PAX5: variants seen among roughly 807,000 people sequenced by gnomAD.
PAX5 encodes the protein paired box 5.
PAX5 carries 9 observed loss-of-function variants against 43.7 expected under a neutral mutation model. The observed-to-expected ratio is 0.21, with a 90% CI of 0.12 to 0.36. The LOEUF (loss-of-function observed/expected upper bound fraction) is 0.36. Among genes scored for constraint, PAX5 ranks in the 10% least tolerant of loss-of-function variants. PAX5 has a pLI of 1.00. For missense variants in PAX5, 383 were observed against 532.7 expected (o/e 0.72, Z 2.77); for synonymous variants, 228 against 214.3 (o/e 1.06, Z -0.56).
Position 37,010,368 on chromosome 9 carries a change from C to T in PAX5, c.411-3831G>A, listed in dbSNP as rs535112352. On this transcript the variant is annotated intron_variant, in intron 3 of 9. Coordinates refer to ENST00000358127, the MANE Select transcript of PAX5 (RefSeq NM_016734.3). ...AACCCAAGATGCTCAAATGACTTGC[C>T]CAGAATTGCACAGCGAGTCAGCCCA... Among the ~76,000 whole-genome samples, 3 of 152,274 alleles carry T rather than the reference C, an allele frequency of 2.0e-5. No homozygotes were observed. In the South Asian group the frequency reaches 6.2e-4, roughly 32 times the overall value.
rs138146493 is a variant in PAX5, at chr9:36,876,841, C to A, written c.1012+5163G>T. 3.1e-3 allele frequency among the ~76,000 whole-genome samples: 478 copies of A among 152,276 alleles called. 7 individuals carry two copies. The highest frequency in any genetic ancestry group is 0.011 in the African/African-American group (448 of 41,548). On this transcript the variant is annotated intron_variant, in intron 8 of 9. Transcript: ENST00000358127. ...TGCAGACATGGGGATGCCCTGGAGC[C>A]GGAAGGAGCAGACAACTCTGATGAT...
intron 3 of PAX5, 22 bp downstream of exon 3, chr9:37,014,975 C>T (rs1352994243): frequency 6.2e-7 from 1 of 1,606,566 alleles, no homozygotes; most frequent in South Asian, 1.1e-5. Flanking sequence ...ATCCCCAACC[C>T]CCACAGGCAC....
chr9:36,970,906 G>A (rs1834880518), intron 5 of PAX5, among the ~76,000 whole-genome samples: 1 of 152,158 alleles, frequency 6.6e-6, no homozygotes, highest in East Asian at 1.9e-4. Context: ...TACCTTCGGG[G>A]TAAAGGTGGG....
chr9:36,866,298 G>C (rs546764565), intron 8 of PAX5, among the ~76,000 whole-genome samples: 1 of 152,324 alleles, frequency 6.6e-6, no homozygotes, highest in Non-Finnish European at 1.5e-5. Flanking sequence ...AGCTTCCAGA[G>C]GGAAACTGAA....
chr9:37,027,056 A>C (rs2132541558), intron 1 of PAX5, among the ~76,000 whole-genome samples: 1 of 152,242 alleles, frequency 6.6e-6, no homozygotes, highest in African/African-American at 2.4e-5. Flanking sequence ...GATGCTTCTG[A>C]GGTCCCTCCT....
intron 7 of PAX5, among the ~76,000 whole-genome samples, chr9:36,895,300 A>T (rs988695627): frequency 2.6e-5 from 4 of 152,262 alleles, no homozygotes; most frequent in Admixed American, 6.5e-5. Context: ...AATGGTGGCC[A>T]GCACTGGGAT....
chr9:36,970,773 AG>A (rs1376118771), intron 5 of PAX5, among the ~76,000 whole-genome samples: 1 of 152,174 alleles, frequency 6.6e-6, no homozygotes, highest in African/African-American at 2.4e-5. Context: ...CTCCTCCTCC[AG>A]GATGCCTTCC....
intron 6 of PAX5, among the ~76,000 whole-genome samples, chr9:36,938,872 TC>T (rs1831790747): frequency 6.6e-6 from 1 of 152,176 alleles, no homozygotes. Flanking sequence ...AAGGCTGTTC[TC>T]CCTTCAATTT....
chr9:36,935,394 C>CA (rs36005725), intron 6 of PAX5, among the ~76,000 whole-genome samples: 13 of 151,280 alleles, frequency 8.6e-5, no homozygotes, highest in African/African-American at 2.2e-4. Context: ...AGCAAACAAA[C>CA]AAAAAAAAAA....
In PAX5 at chr9:37,020,549, A is replaced by G. The variant is rs980865942; in HGVS notation, c.212+87T>C. 11 of 1,340,126 alleles carry G rather than the reference A, an allele frequency of 8.2e-6. No homozygotes were observed. The Admixed American group carries it at 1.7e-4, about 21-fold the overall frequency. The allele number at this position is 1,340,126 out of a possible 1,614,324, so 83.0% of individuals were successfully genotyped here. ...ACAAAATGCCACCATGATTCTCACT[A>G]TGATACTGTCATATTGGACAGCTGC... On this transcript the variant is annotated intron_variant, in intron 2 of 9. Transcript: ENST00000358127.
intron 8 of PAX5, among the ~76,000 whole-genome samples, chr9:36,866,619 T>G (rs1329378832): frequency 6.6e-6 from 1 of 152,112 alleles, no homozygotes; most frequent in African/African-American, 2.4e-5. Context: ...TTTATACCAG[T>G]TCTGCACAAG....
chr9:36,960,574 G>T (rs993985173), intron 6 of PAX5, among the ~76,000 whole-genome samples: 2 of 152,302 alleles, frequency 1.3e-5, no homozygotes, highest in Middle Eastern at 3.4e-3. Flanking sequence ...AGATCCAACG[G>T]TAGTCGCAGG....
At chr9:36,916,964 C>A (rs984284133) in intron 7 of PAX5, among the ~76,000 whole-genome samples, 1 of 151,988 alleles carries the variant, frequency 6.6e-6, no homozygotes, top group African/African-American at 2.4e-5. Context: ...GGATTACAGG[C>A]GCGAGCCACT....
intron 7 of PAX5, among the ~76,000 whole-genome samples, chr9:36,889,546 C>T (rs1422735440): frequency 6.6e-6 from 1 of 152,198 alleles, no homozygotes; most frequent in African/African-American, 2.4e-5. Context: ...GCCCAAGTTC[C>T]CACAGCTAGT....
chr9:36,945,952 C>T (rs188998779), intron 6 of PAX5, among the ~76,000 whole-genome samples: 39 of 152,336 alleles, frequency 2.6e-4, no homozygotes, highest in South Asian at 8.3e-4. Context: ...TACAAAACAG[C>T]ATGGTCAGGG....
rs1252488069 is a variant in PAX5, at chr9:37,015,443, GAT to G, written c.213-251_213-250del. ...AGAAGTAAAATATCTCAATAATTTT[GAT>G]ATTAGTTGTATGTTGAAATAACAAT... is the stretch of plus-strand genomic sequence containing the variant. On this transcript the variant is annotated intron_variant, in intron 2 of 9. Transcript: ENST00000358127. This position sits in a 1 kb window ranked among gnomAD's most constrained non-coding sequence, Gnocchi z 4.4. Among the ~76,000 whole-genome samples the G allele has an allele frequency of 6.6e-6, 1 of 151,940 alleles. No homozygotes were observed. The highest frequency in any genetic ancestry group is 1.5e-5 in the Non-Finnish European group (1 of 67,996).
chr9:36,900,360 G>C (rs1033377559), intron 7 of PAX5, among the ~76,000 whole-genome samples: 8 of 152,152 alleles, frequency 5.3e-5, no homozygotes, highest in African/African-American at 1.9e-4. Flanking sequence ...TGAACCAAAG[G>C]GTCTGCGTCC....
At chr9:36,925,241 G>A (rs528971073) in intron 6 of PAX5, among the ~76,000 whole-genome samples, 35 of 152,286 alleles carry the variant, frequency 2.3e-4, no homozygotes, top group East Asian at 3.9e-4. Context: ...TAGATGATTC[G>A]TGCTGAGGAC....
At chr9:36,898,868 A>T (rs1828117828) in intron 7 of PAX5, among the ~76,000 whole-genome samples, 1 of 152,062 alleles carries the variant, frequency 6.6e-6, no homozygotes, top group Non-Finnish European at 1.5e-5. Context: ...CCCCTGGGGC[A>T]GAGTCTGGGG....
Sources: gnomAD v4.1 joint callset for allele counts (sites outside exome capture counted in the v4.1 genomes callset) on GRCh38, gnomAD v4.1.1 for gene constraint, Gnocchi (gnomAD v3.1) non-coding constraint, MANE v1.5 for transcripts, NCBI Gene and HGNC (gene_info 2026-07-23, HGNC 2026-07-21) for gene names.